NFIA: variants seen among roughly 807,000 people sequenced by gnomAD.
NFIA encodes the protein nuclear factor 1 A-type.
NFIA carries 8 observed loss-of-function variants against 62.8 expected under a neutral mutation model. The ratio of observed to expected loss-of-function variants is 0.13; its 90% CI spans 0.07 to 0.23. The LOEUF is 0.23. Among genes scored for constraint, NFIA ranks in the 10% least tolerant of loss-of-function variants. NFIA has a pLI of 1.00. For synonymous variants in NFIA, 235 were observed against 238.1 expected (o/e 0.99, Z 0.12); for missense variants, 410 against 642.1 (o/e 0.64, Z 3.91).
intron 7 of NFIA, among the ~76,000 whole-genome samples, chr1:61,385,345 A>T (rs1315356765): frequency 6.6e-6 from 1 of 152,238 alleles, no homozygotes; most frequent in African/African-American, 2.4e-5. Flanking sequence ...TGGTGTAGTA[A>T]GTTAGTAAGA....
At chr1:61,215,984 A>G (rs894995048) in intron 2 of NFIA, among the ~76,000 whole-genome samples, 5 of 152,202 alleles carry the variant, frequency 3.3e-5, no homozygotes, top group African/African-American at 1.2e-4. Context: ...CATGAACTTG[A>G]TAATTCCCCA....
At chr1:61,171,777 C>A (rs1411985272) in intron 2 of NFIA, among the ~76,000 whole-genome samples, 3 of 152,076 alleles carry the variant, frequency 2.0e-5, no homozygotes, top group Non-Finnish European at 2.9e-5. Context: ...TAAGGTTGTA[C>A]CCTTAATTCT....
intron 2 of NFIA, among the ~76,000 whole-genome samples, chr1:61,160,818 G>C (rs1428593146): frequency 6.6e-6 from 1 of 152,164 alleles, no homozygotes; most frequent in Admixed American, 6.5e-5. Context: ...ATAGCACCAA[G>C]TCACATTTTA....
chr1:61,143,348 A>G (rs1557595214), intron 2 of NFIA, among the ~76,000 whole-genome samples: 1 of 152,116 alleles, frequency 6.6e-6, no homozygotes, highest in East Asian at 1.9e-4. Context: ...AGAACTTCTT[A>G]CTCACTAGAC....
chr1:61,249,175 A>G (rs1655849178), intron 2 of NFIA: 1 of 152,240 alleles, frequency 6.6e-6, no homozygotes, highest in Non-Finnish European at 1.5e-5. Flanking sequence ...AGTGTAAACT[A>G]TTTTAAAACA....
Position 61,335,807 on chromosome 1 carries a change from A to C in NFIA, c.700+3221A>C, listed in dbSNP as rs150357422. Among the ~76,000 whole-genome samples the C allele has an allele frequency of 2.9e-3, 442 of 151,764 alleles. 5 individuals are homozygous for C. Among genetic ancestry groups the C allele is most frequent in the African/African-American group, 9.9e-3 (408 of 41,394 alleles). ...CAGTGAGCTGAGATCATGCCATTGC[A>C]CTCCAGGCTGGGTGACAAGGGCGAG... is the stretch of plus-strand genomic sequence containing the variant. On this transcript the variant is annotated intron_variant, in intron 4 of 10. Transcript: ENST00000403491.
intron 2 of NFIA, among the ~76,000 whole-genome samples, chr1:61,235,505 A>AATAAAAAT (rs1373527855): frequency 7.4e-6 from 1 of 135,158 alleles, no homozygotes; most frequent in Non-Finnish European, 1.6e-5. Context: ...TAAATAAATA[A>AATAAAAAT]AAATAAAAAA....
chr1:61,267,841 T>C (rs1410638932), intron 2 of NFIA, among the ~76,000 whole-genome samples: 1 of 152,202 alleles, frequency 6.6e-6, no homozygotes, highest in African/African-American at 2.4e-5. Context: ...TAGGAGCTTT[T>C]TGAGGGGAGG....
intron 6 of NFIA, among the ~76,000 whole-genome samples, chr1:61,367,075 G>C (rs1663630384): frequency 6.6e-6 from 1 of 152,234 alleles, no homozygotes; most frequent in Admixed American, 6.5e-5. Flanking sequence ...TTCAGAACTA[G>C]GGGTCAGTGT....
At position 61,220,356 on chromosome 1, in the gene NFIA, G is replaced by A. The variant is rs184880302; in HGVS notation, c.560-57164G>A. The stretch of plus-strand genomic sequence containing the variant: ...CATCCCCTCCATTTGTGGGTTTGTG[G>A]GCTAGTCCAGCAACAGGCTTTGGAG... On this transcript the variant is annotated intron_variant, in intron 2 of 10. Transcript: ENST00000403491. Among the ~76,000 whole-genome samples, 956 of 152,178 alleles carry A rather than the reference G, an allele frequency of 6.3e-3. 23 individuals carry two copies. Among genetic ancestry groups the A allele is most frequent in the Non-Finnish European group, 4.1e-3 (276 of 68,006 alleles).
chr1:61,161,202 A>G (rs1649177674), intron 2 of NFIA, among the ~76,000 whole-genome samples: 2 of 152,200 alleles, frequency 1.3e-5, no homozygotes, highest in Admixed American at 1.3e-4. Context: ...GGTGTGCACC[A>G]CCGTGCCTGG....
At chr1:61,156,193 G>A (rs1454862182) in intron 2 of NFIA, among the ~76,000 whole-genome samples, 1 of 152,218 alleles carries the variant, frequency 6.6e-6, no homozygotes, top group Non-Finnish European at 1.5e-5. Context: ...CATAGAGCTG[G>A]AGGGGACCTA....
intron 7 of NFIA, among the ~76,000 whole-genome samples, chr1:61,402,821 TG>T (rs1665637772): frequency 6.6e-6 from 1 of 152,220 alleles, no homozygotes; most frequent in Non-Finnish European, 1.5e-5. Context: ...CCAGTCTTTT[TG>T]AAAACTACAG....
At chr1:61,426,690 G>A in intron 10 of NFIA, 134 bp downstream of exon 10, 1 of 691,144 alleles carries the variant, frequency 1.4e-6, no homozygotes, top group Non-Finnish European at 2.5e-6. Context: ...GATCCCACCA[G>A]CCACATTTCC....
chr1:61,328,329 G>C (rs528101086), intron 3 of NFIA, among the ~76,000 whole-genome samples: 1 of 151,816 alleles, frequency 6.6e-6, no homozygotes, highest in South Asian at 2.1e-4. Context: ...TGGCTCCTTC[G>C]TATCTTTCAG....
intron 6 of NFIA, among the ~76,000 whole-genome samples, chr1:61,375,256 G>A (rs1035312794): frequency 2.0e-5 from 3 of 152,134 alleles, no homozygotes; most frequent in African/African-American, 7.2e-5. Context: ...GCAAAAGATG[G>A]TACTGGTACT....
At chr1:61,179,927 C>T (rs192072943) in intron 2 of NFIA, among the ~76,000 whole-genome samples, 158 of 152,290 alleles carry the variant, frequency 1.0e-3, no homozygotes, top group Non-Finnish European at 1.7e-3. Flanking sequence ...TCATTTCTTT[C>T]ACTCTGTTTA....
At chr1:61,235,536 T>G (rs1232622519) in intron 2 of NFIA, among the ~76,000 whole-genome samples, 1 of 144,728 alleles carries the variant, frequency 6.9e-6, no homozygotes. Context: ...TGAACAAAGG[T>G]TGGGTTTGGT....
chr1:61,286,297 A>G (rs1354408211), intron 3 of NFIA, among the ~76,000 whole-genome samples: 1 of 151,700 alleles, frequency 6.6e-6, no homozygotes, highest in Non-Finnish European at 1.5e-5. Flanking sequence ...GTGTGGTTGC[A>G]GGCGCCTGTA....
Sources: gnomAD v4.1 joint callset for allele counts (sites outside exome capture counted in the v4.1 genomes callset) on GRCh38, gnomAD v4.1.1 for gene constraint, MANE v1.5 for transcripts, NCBI Gene and HGNC (gene_info 2026-07-23, HGNC 2026-07-21) for gene names.